The following FRMD4A variants were observed in gnomAD, a reference collection of about 807,000 sequenced individuals.
FRMD4A encodes FERM domain containing 4A, also known as FERM domain-containing protein 4A.
In FRMD4A, 29 loss-of-function variants were observed where a neutral mutation model predicts 129.1. That is an observed-to-expected ratio of 0.22 (90% CI 0.17 to 0.31). The LOEUF (loss-of-function observed/expected upper bound fraction) is 0.31. Among genes scored for constraint, FRMD4A ranks in the 10% least tolerant of loss-of-function variants. The pLI, the probability that FRMD4A is intolerant of heterozygous loss-of-function variation, is 1.00. For missense variants in FRMD4A, 1,272 were observed against 1,375.8 expected (o/e 0.92, Z 1.19); for synonymous variants, 634 against 571.6 (o/e 1.11, Z -1.56).
rs17153802 is a variant in FRMD4A at position 13,723,323 on chromosome 10, T to C, written c.759+14521A>G. The stretch of plus-strand genomic sequence containing the variant: ...CACTAATGTCCCTTTTCATTTGTAG[T>C]GGTATCTTGGTTTGGATATTAAAAC... On this transcript the variant is annotated intron_variant, in intron 12 of 24. Transcript: ENST00000357447. 0.01 allele frequency among the ~76,000 whole-genome samples: 1,554 copies of C among 152,372 alleles called. 65 individuals are homozygous for C. The East Asian group carries it at 0.11, about 11-fold the overall frequency.
At chr10:14,260,003 T>C (rs1844743696) in intron 2 of FRMD4A, among the ~76,000 whole-genome samples, 1 of 145,938 alleles carries the variant, frequency 6.9e-6, no homozygotes, top group African/African-American at 2.6e-5. Flanking sequence ...CTCTGTGTCA[T>C]AGATATAGTC....
chr10:14,108,290 T>C (rs569774920), intron 2 of FRMD4A, among the ~76,000 whole-genome samples: 43 of 152,340 alleles, frequency 2.8e-4, no homozygotes, highest in African/African-American at 9.9e-4. Flanking sequence ...TTAGCCTTAA[T>C]TTATGGGTTG....
intron 2 of FRMD4A, among the ~76,000 whole-genome samples, chr10:13,984,473 C>T (rs2095574018): frequency 6.6e-6 from 1 of 152,188 alleles, no homozygotes; most frequent in Admixed American, 6.5e-5. Flanking sequence ...GTTGTGCAGC[C>T]ATCTCCAGAA....
chr10:13,922,755 C>T (rs1477226740), intron 2 of FRMD4A, among the ~76,000 whole-genome samples: 4 of 152,148 alleles, frequency 2.6e-5, no homozygotes, highest in Non-Finnish European at 1.5e-5. Flanking sequence ...AAGTTCTGTG[C>T]TTTGTAAATT....
At chr10:13,950,828 G>A (rs753470394) in intron 2 of FRMD4A, among the ~76,000 whole-genome samples, 1 of 152,126 alleles carries the variant, frequency 6.6e-6, no homozygotes, top group East Asian at 1.9e-4. Flanking sequence ...AGTCCTCCCC[G>A]ATGACCTTAT....
At chr10:14,165,119 A>T (rs577267891) in intron 2 of FRMD4A, among the ~76,000 whole-genome samples, 20 of 152,352 alleles carry the variant, frequency 1.3e-4, no homozygotes, top group Admixed American at 5.2e-4. Context: ...CATCTGAAAA[A>T]GGACTAATAT....
chr10:14,034,637 A>G (rs1309411822), intron 2 of FRMD4A, among the ~76,000 whole-genome samples: 1 of 152,192 alleles, frequency 6.6e-6, no homozygotes, highest in African/African-American at 2.4e-5. Flanking sequence ...CTCTACCTGC[A>G]CTTTACAACC....
intron 2 of FRMD4A, among the ~76,000 whole-genome samples, chr10:14,063,190 T>C (rs200640732): frequency 1.4e-5 from 2 of 145,052 alleles, no homozygotes; most frequent in Non-Finnish European, 3.1e-5. Flanking sequence ...TTTTTTTTTC[T>C]TTTTAAGATT....
chr10:14,175,075 T>C (rs1375194441), intron 2 of FRMD4A, among the ~76,000 whole-genome samples: 1 of 152,204 alleles, frequency 6.6e-6, no homozygotes, highest in Non-Finnish European at 1.5e-5. Flanking sequence ...ATGAGATTTT[T>C]CTGAACTTCT....
At chr10:13,881,083 C>T (rs1158782306) in intron 2 of FRMD4A, among the ~76,000 whole-genome samples, 1 of 151,950 alleles carries the variant, frequency 6.6e-6, no homozygotes, top group African/African-American at 2.4e-5. Flanking sequence ...ATACTTCTGC[C>T]ATTTGCCAGC....
chr10:14,205,661 GC>G (rs1217433046), intron 2 of FRMD4A, among the ~76,000 whole-genome samples: 1 of 152,040 alleles, frequency 6.6e-6, no homozygotes, highest in Admixed American at 6.6e-5. Flanking sequence ...ACAAAAATTA[GC>G]TGGGTGTGGT....
At chr10:14,184,259 G>T (rs1208773183) in intron 2 of FRMD4A, among the ~76,000 whole-genome samples, 2 of 145,224 alleles carry the variant, frequency 1.4e-5, no homozygotes, top group African/African-American at 2.5e-5. Context: ...AGCCTCCAGA[G>T]TTGCTGGGAT....
intron 2 of FRMD4A, among the ~76,000 whole-genome samples, chr10:14,317,421 C>A (rs1329788): frequency 2.0e-5 from 3 of 152,178 alleles, no homozygotes; most frequent in African/African-American, 7.2e-5. Context: ...ACCTTCAGCT[C>A]TACTTTAGAA....
At chr10:14,040,993 G>T (rs1054698693) in intron 2 of FRMD4A, among the ~76,000 whole-genome samples, 13 of 152,180 alleles carry the variant, frequency 8.5e-5, no homozygotes, top group African/African-American at 3.1e-4. Flanking sequence ...TTTTGGAGTG[G>T]AATAACTGCT....
At chr10:13,968,489 C>G (rs2095498668) in intron 2 of FRMD4A, among the ~76,000 whole-genome samples, 1 of 152,228 alleles carries the variant, frequency 6.6e-6, no homozygotes, top group Non-Finnish European at 1.5e-5. Flanking sequence ...TCTCACTCTT[C>G]TCACCCAGGC....
chr10:13,670,353 G>C, intron 17 of FRMD4A, 53 bp downstream of exon 17: 1 of 1,586,340 alleles, frequency 6.3e-7, no homozygotes, highest in Non-Finnish European at 8.6e-7. Flanking sequence ...CCTGACCAAT[G>C]GGAAAAACAA....
chr10:14,185,918 C>G (rs939210989), intron 2 of FRMD4A, among the ~76,000 whole-genome samples: 1 of 152,186 alleles, frequency 6.6e-6, no homozygotes, highest in Admixed American at 6.5e-5. Context: ...TGGGCAGGAA[C>G]TGCAAAGATG....
At chr10:13,964,723 G>A (rs866601653) in intron 2 of FRMD4A, among the ~76,000 whole-genome samples, 2 of 148,260 alleles carry the variant, frequency 1.3e-5, no homozygotes, top group African/African-American at 2.5e-5. Flanking sequence ...CCAGGCTGGA[G>A]TGCAATGGCG....
intron 12 of FRMD4A, among the ~76,000 whole-genome samples, chr10:13,719,597 C>T (rs574836421): frequency 4.6e-5 from 7 of 152,220 alleles, no homozygotes; most frequent in East Asian, 1.9e-4. Context: ...TTACATTTTC[C>T]GGAAGGTCAG....
Sources: gnomAD v4.1 joint callset for allele counts (sites outside exome capture counted in the v4.1 genomes callset) on GRCh38, gnomAD v4.1.1 for gene constraint, MANE v1.5 for transcripts, NCBI Gene and HGNC (gene_info 2026-07-23, HGNC 2026-07-21) for gene names.